MYO16: variants seen among roughly 807,000 people sequenced by gnomAD.
MYO16 encodes the protein unconventional myosin-XVI.
In MYO16, 94 loss-of-function variants were observed where a neutral mutation model predicts 205.3. The observed-to-expected ratio is 0.46, with a 90% CI of 0.39 to 0.54. MYO16 has a LOEUF of 0.54. Among genes scored for constraint, MYO16 ranks in the 20% least tolerant of loss-of-function variants. MYO16 has a pLI of 0.00. For missense variants in MYO16, 2,315 were observed against 2,387.5 expected (o/e 0.97, Z 0.63); for synonymous variants, 988 against 954.0 (o/e 1.04, Z -0.66).
intron 29 of MYO16, among the ~76,000 whole-genome samples, chr13:109,124,615 T>C (rs1876149998): frequency 6.6e-6 from 1 of 152,252 alleles, no homozygotes; most frequent in African/African-American, 2.4e-5. Context: ...GTCCTATATT[T>C]ATACACAATC....
intron 6 of MYO16, among the ~76,000 whole-genome samples, chr13:108,805,086 AACTGCCAATCATTTAC>A (rs1349809196): frequency 6.6e-6 from 1 of 152,234 alleles, no homozygotes; most frequent in Non-Finnish European, 1.5e-5. Context: ...AGCACAGAGT[AACTGCCAATCATTTAC>A]TGATTATTCA....
chr13:108,814,269 A>G (rs1887382531), intron 7 of MYO16, among the ~76,000 whole-genome samples: 1 of 152,154 alleles, frequency 6.6e-6, no homozygotes, highest in South Asian at 2.1e-4. Context: ...TAAAAGCTTT[A>G]GCATTATTGC....
intron 9 of MYO16, among the ~76,000 whole-genome samples, chr13:108,837,273 T>C (rs1479575571): frequency 6.6e-6 from 1 of 152,170 alleles, no homozygotes; most frequent in African/African-American, 2.4e-5. Flanking sequence ...CCTTCTGCCA[T>C]GATTGTAAGT....
At chr13:108,587,010 T>A in the MYO16 span, among the ~76,000 whole-genome samples, 1 of 152,184 alleles carries the variant, frequency 6.6e-6, no homozygotes, top group Non-Finnish European at 1.5e-5. Context: ...AGCCAATCAC[T>A]GAGACAGCAA....
At chr13:108,932,404 G>T (rs1394229499) in intron 16 of MYO16, among the ~76,000 whole-genome samples, 1 of 152,142 alleles carries the variant, frequency 6.6e-6, no homozygotes, top group Non-Finnish European at 1.5e-5. Context: ...TCATTGGCTT[G>T]GCTGAGAAGG....
chr13:109,172,099 T>C (rs1594156206), intron 33 of MYO16, among the ~76,000 whole-genome samples: 1 of 152,208 alleles, frequency 6.6e-6, no homozygotes, highest in South Asian at 2.1e-4. Context: ...AGGGCTTCCA[T>C]CAGCCGCACC....
At chr13:108,736,736 T>C (rs1220131610) in intron 4 of MYO16, among the ~76,000 whole-genome samples, 1 of 152,210 alleles carries the variant, frequency 6.6e-6, no homozygotes, top group South Asian at 2.1e-4. Context: ...CCTTGGGCAG[T>C]ATGGCCATTT....
At chr13:108,499,247 T>A in the MYO16 span, among the ~76,000 whole-genome samples, 1 of 152,250 alleles carries the variant, frequency 6.6e-6, no homozygotes, top group African/African-American at 2.4e-5. Context: ...ATAGTGACAT[T>A]TCCTGAAAAT....
intron 32 of MYO16, among the ~76,000 whole-genome samples, chr13:109,157,745 AG>A (rs1158494107): frequency 6.6e-6 from 1 of 152,172 alleles, no homozygotes; most frequent in African/African-American, 2.4e-5. Context: ...TAAGTGTCAA[AG>A]GCTTTAACAA....
In MYO16 at chr13:109,140,347, A is replaced by G. The variant is rs769701010; in HGVS notation, c.4135A>G (p.Thr1379Ala). 1 of 1,602,528 alleles carries G rather than the reference A, an allele frequency of 6.2e-7. No homozygotes were observed. Among genetic ancestry groups the G allele is most frequent in the Non-Finnish European group, 8.5e-7 (1 of 1,178,784 alleles). Residue 1379 changes from threonine to alanine, a missense_variant, in exon 32 of 35, where the codon ACC (threonine) becomes GCC (alanine). Thr to Ala is a moderately conservative substitution (Grantham distance 58). Coordinates refer to ENST00000457511, the MANE Select transcript of MYO16 (RefSeq NM_001198950.3). This position sits in a 1 kb window ranked among gnomAD's most constrained non-coding sequence, Gnocchi z 8.0. ...PPRKPKRSPN[T>A]KLSGSYEEIS... ...TCGAAAGCCCAAGCGCAGCCCCAACACCAAGCTCAGCGGCTCCTACGAGGA... is the reference window on the plus strand; with the variant it reads ...TCGAAAGCCCAAGCGCAGCCCCAACGCCAAGCTCAGCGGCTCCTACGAGGA...
Position 109,141,455 on chromosome 13 carries a change from C to A in MYO16, c.5164+79C>A. The A allele has an allele frequency of 1.0e-6, 1 of 996,088 alleles. No homozygotes were observed. The highest frequency in any genetic ancestry group is 1.4e-6 in the Non-Finnish European group (1 of 729,638). 61.7% of individuals were successfully genotyped at this position (996,088 alleles called of 1,614,324 possible). ...GCACCTGTGTACATCCGTGTCTGCG[C>A]AGATGTGAAATAGTAAAGTTTCAGG... On this transcript the variant is annotated intron_variant, in intron 32 of 34. Coordinates refer to ENST00000457511, the MANE Select transcript of MYO16 (RefSeq NM_001198950.3). This position sits in a 1 kb window ranked among gnomAD's most constrained non-coding sequence, Gnocchi z 4.1.
At position 108,607,169 on chromosome 13, in the gene MYO16, TG is replaced by T. The variant is rs1878991350; in HGVS notation, c.-39+10931del. ...GGACTTGCCTTGTCTTGGATAAGAC[TG>T]TGGACTTGGACTTTGGGTTAATGCT... On this transcript the variant is annotated intron_variant, in intron 1 of 24. Coordinates refer to the MYO16 transcript ENST00000251041. Among the ~76,000 whole-genome samples, 5 of 152,328 alleles carry T rather than the reference TG, an allele frequency of 3.3e-5. No individual in the cohort carries two copies. In the East Asian group the frequency reaches 7.7e-4, roughly 24 times the overall value.
chr13:109,022,920 ATATT>A (rs1286195506), intron 23 of MYO16, among the ~76,000 whole-genome samples: 1 of 135,538 alleles, frequency 7.4e-6, no homozygotes. Context: ...ATACATTTAT[ATATT>A]ATATACACAT....
intron 15 of MYO16, among the ~76,000 whole-genome samples, chr13:108,900,822 C>T (rs1287588969): frequency 6.6e-6 from 1 of 152,188 alleles, no homozygotes. Flanking sequence ...TAACCTTAAA[C>T]TCTGACTGCC....
At chr13:109,019,086 A>G (rs1275240359) in intron 22 of MYO16, among the ~76,000 whole-genome samples, 1 of 151,226 alleles carries the variant, frequency 6.6e-6, no homozygotes, top group Admixed American at 6.6e-5. Context: ...CTCTCACCTC[A>G]GCGTCCTGAG....
At chr13:108,911,019 G>A (rs1171947741) in intron 16 of MYO16, among the ~76,000 whole-genome samples, 1 of 133,752 alleles carries the variant, frequency 7.5e-6, no homozygotes, top group Non-Finnish European at 1.6e-5. Context: ...TGAGAAAAAG[G>A]ATGCTATAGG....
chr13:108,544,194 C>T, the MYO16 span, among the ~76,000 whole-genome samples: 1 of 150,796 alleles, frequency 6.6e-6, no homozygotes, highest in African/African-American at 2.4e-5. Flanking sequence ...AATTAATATT[C>T]CAAGTTGTGA....
intron 16 of MYO16, among the ~76,000 whole-genome samples, chr13:108,932,081 GATTA>G (rs1882281532): frequency 6.6e-6 from 1 of 152,180 alleles, no homozygotes; most frequent in Admixed American, 6.5e-5. Flanking sequence ...TGTGAACGGT[GATTA>G]ATGTGAAGTT....
the MYO16 span, among the ~76,000 whole-genome samples, chr13:108,573,000 T>C: frequency 6.6e-6 from 1 of 152,140 alleles, no homozygotes; most frequent in Non-Finnish European, 1.5e-5. Flanking sequence ...GAGGAGGTAA[T>C]ATCTGGAGCC....
Sources: allele counts gnomAD v4.1 joint callset (sites outside exome capture counted in the v4.1 genomes callset), GRCh38; gene constraint gnomAD v4.1.1; non-coding constraint Gnocchi (gnomAD v3.1); transcripts MANE v1.5; gene names NCBI Gene and HGNC (gene_info 2026-07-23, HGNC 2026-07-21).